CRADD: variants seen among roughly 807,000 people sequenced by gnomAD.
CRADD encodes death domain-containing protein CRADD.
A neutral mutation model predicts 15.5 loss-of-function variants in CRADD; 9 were observed. The observed-to-expected ratio is 0.58, with a 90% CI of 0.35 to 1.01. The LOEUF is 1.01. Among genes scored for constraint, CRADD ranks in the 50% least tolerant of loss-of-function variants. The pLI is 0.02. For synonymous variants in CRADD, 118 were observed against 107.6 expected (o/e 1.10, Z -0.60); for missense variants, 227 against 250.3 (o/e 0.91, Z 0.63).
rs759051210 is a variant in CRADD at position 93,679,060 on chromosome 12, G to A, written c.286G>A (p.Asp96Asn). Residue 96 changes from aspartate to asparagine, a missense_variant, in exon 2 of 3, where the codon GAC becomes AAC. Asp to Asn is a conservative substitution (Grantham distance 23). Transcript: ENST00000332896. ...LKKAREEAMT[D>N]LPAGDRLTGI... ...GAAGGCAAGGGAAGAGGCCATGACC[G>A]ACCTGCCTGCAGGTAGGCCTCAGAA... 13 of 1,612,014 alleles carry A rather than the reference G, an allele frequency of 8.1e-6. No homozygotes were observed. The East Asian group carries it at 1.1e-4, about 14-fold the overall frequency.
intron 2 of CRADD, among the ~76,000 whole-genome samples, chr12:93,776,089 AC>A (rs1957137768): frequency 6.6e-6 from 1 of 152,174 alleles, no homozygotes; most frequent in Admixed American, 6.5e-5. Context: ...ATCTGAGAGA[AC>A]CCATTTAATA....
intron 2 of CRADD, among the ~76,000 whole-genome samples, chr12:93,846,964 A>G (rs1005181715): frequency 1.3e-5 from 2 of 152,132 alleles, no homozygotes; most frequent in African/African-American, 4.8e-5. Context: ...TTAGCCAGGC[A>G]TGGTAGTAGG....
Position 93,800,072 on chromosome 12 carries a change from CAGAT to C in CRADD, c.299-49895_299-49892del, listed in dbSNP as rs541776976. On this transcript the variant is annotated intron_variant, in intron 2 of 2. Transcript: ENST00000332896. ...AGATAGATTGACACAGAGAGAGTAACAGATAGGTAGATAAATATAGATATGAAAT... is the reference window on the plus strand; with the variant it reads ...AGATAGATTGACACAGAGAGAGTAACAGGTAGATAAATATAGATATGAAAT... Among the ~76,000 whole-genome samples the C allele has an allele frequency of 3.6e-3, 551 of 152,076 alleles. 3 individuals carry two copies. The highest frequency in any genetic ancestry group is 6.8e-3 in the Middle Eastern group (2 of 294).
chr12:93,694,486 TAAAG>T (rs1955652534), intron 2 of CRADD, among the ~76,000 whole-genome samples: 1 of 152,016 alleles, frequency 6.6e-6, no homozygotes, highest in African/African-American at 2.4e-5. Context: ...TTAGGCAAGA[TAAAG>T]AAATAAAAGG....
chr12:93,705,109 A>G (rs1208582709), intron 2 of CRADD, among the ~76,000 whole-genome samples: 1 of 152,180 alleles, frequency 6.6e-6, no homozygotes, highest in Non-Finnish European at 1.5e-5. Context: ...TCCCTTCTCT[A>G]GACTGTAAGC....
intron 2 of CRADD, among the ~76,000 whole-genome samples, chr12:93,798,853 A>G (rs2136994337): frequency 6.6e-6 from 1 of 152,238 alleles, no homozygotes; most frequent in East Asian, 1.9e-4. Context: ...AGTGCTGATG[A>G]GTTTCTCTCT....
rs1226343050 is a variant in CRADD at position 93,850,139 on chromosome 12, G to T, written c.468G>T (p.Val156=). The part of the protein sequence containing the change: ...YRCKANHPHN[V]QSQVVEAFIR... ...GTAAGGCCAACCACCCCCACAACGTGCAGTCGCAGGTGGTGGAGGCCTTCA... is the reference window on the plus strand; with the variant it reads ...GTAAGGCCAACCACCCCCACAACGTTCAGTCGCAGGTGGTGGAGGCCTTCA... Residue 156 remains valine (V), a synonymous_variant, in exon 3 of 3, where the codon GTG becomes GTT. Coordinates refer to ENST00000332896, the MANE Select transcript of CRADD (RefSeq NM_003805.5). This position sits in a 1 kb window ranked among gnomAD's most constrained non-coding sequence, Gnocchi z 4.0. The T allele has an allele frequency of 1.2e-6, 2 of 1,614,004 alleles. No homozygotes were observed. The highest frequency in any genetic ancestry group is 2.7e-5 in the African/African-American group (2 of 74,940).
chr12:93,874,939 G>A (rs1958448084), intron 2 of CRADD, among the ~76,000 whole-genome samples: 1 of 151,968 alleles, frequency 6.6e-6, no homozygotes, highest in Non-Finnish European at 1.5e-5. Context: ...AGATCCATTT[G>A]ATCTACAGTG....
At position 93,834,768 on chromosome 12, in the gene CRADD, G is replaced by T. The variant is rs761465502; in HGVS notation, c.299-15202G>T. 2.6e-5 allele frequency among the ~76,000 whole-genome samples: 4 copies of T among 152,326 alleles called. No homozygotes were observed. In the South Asian group the frequency reaches 8.3e-4, roughly 32 times the overall value. Reference sequence around the variant, plus strand: ...CTCCCAAAGTGCTGGGATTACAGGCGTGAGCCACCATGCCCAGCCTAAAAT... The same window carrying T: ...CTCCCAAAGTGCTGGGATTACAGGCTTGAGCCACCATGCCCAGCCTAAAAT... On this transcript the variant is annotated intron_variant, in intron 2 of 2. Transcript: ENST00000332896.
chr12:93,873,629 C>T (rs542641771), intron 2 of CRADD, among the ~76,000 whole-genome samples: 45 of 152,038 alleles, frequency 3.0e-4, no homozygotes, highest in African/African-American at 1.1e-3. Flanking sequence ...AAGAGATGTT[C>T]AATTTTATTA....
intron 2 of CRADD, among the ~76,000 whole-genome samples, chr12:93,701,583 G>A (rs965967061): frequency 2.6e-5 from 4 of 152,162 alleles, no homozygotes; most frequent in African/African-American, 7.2e-5. Flanking sequence ...AGACATTTTC[G>A]TCAAATGCTA....
At chr12:93,734,320 A>G (rs915898405) in intron 2 of CRADD, among the ~76,000 whole-genome samples, 6 of 152,212 alleles carry the variant, frequency 3.9e-5, no homozygotes, top group African/African-American at 2.4e-5. Context: ...TAAAACAAGT[A>G]TGTGAATTTT....
intron 2 of CRADD, among the ~76,000 whole-genome samples, chr12:93,841,899 C>T (rs1424953279): frequency 2.0e-5 from 3 of 152,160 alleles, no homozygotes; most frequent in East Asian, 3.9e-4. Flanking sequence ...TCACTGCAGC[C>T]GTGAGCTGGG....
chr12:93,849,894 A>G (rs1300811367), intron 2 of CRADD, 76 bp from the exon 3 acceptor site: 5 of 885,106 alleles, frequency 5.6e-6, no homozygotes, highest in Non-Finnish European at 9.5e-6. Flanking sequence ...TCTTCTCCCC[A>G]CGATTCTCAT....
intron 2 of CRADD, among the ~76,000 whole-genome samples, chr12:93,844,396 C>A (rs1958088223): frequency 6.6e-6 from 1 of 152,126 alleles, no homozygotes; most frequent in African/African-American, 2.4e-5. Flanking sequence ...TCAGACAGCA[C>A]AAACAGCTGT....
At chr12:93,703,419 G>A (rs187873047) in intron 2 of CRADD, among the ~76,000 whole-genome samples, 411 of 149,658 alleles carry the variant, frequency 2.7e-3, no homozygotes, top group Non-Finnish European at 4.9e-3. Context: ...GTGCAGCAGC[G>A]TGATCTTGGC....
chr12:93,740,191 A>C (rs1480945086), intron 2 of CRADD, among the ~76,000 whole-genome samples: 2 of 152,152 alleles, frequency 1.3e-5, no homozygotes, highest in African/African-American at 2.4e-5. Context: ...CTGTTTAGTA[A>C]TGAATTTTAA....
At chr12:93,794,278 G>A (rs969087599) in intron 2 of CRADD, among the ~76,000 whole-genome samples, 1 of 151,996 alleles carries the variant, frequency 6.6e-6, no homozygotes, top group Non-Finnish European at 1.5e-5. Flanking sequence ...ATACCTTCTG[G>A]TTGCTAACTT....
At chr12:93,770,220 C>T (rs965286014) in intron 2 of CRADD, among the ~76,000 whole-genome samples, 7 of 150,660 alleles carry the variant, frequency 4.6e-5, no homozygotes, top group African/African-American at 1.2e-4. Context: ...CTCAGCCTCC[C>T]GAGTAGCTGG....
Sources: gnomAD v4.1 joint callset for allele counts (sites outside exome capture counted in the v4.1 genomes callset) on GRCh38, gnomAD v4.1.1 for gene constraint, Gnocchi (gnomAD v3.1) non-coding constraint, MANE v1.5 for transcripts, NCBI Gene and HGNC (gene_info 2026-07-23, HGNC 2026-07-21) for gene names.